Variants in TASP1 observed in about 807,000 individuals in gnomAD.
TASP1 encodes threonine aspartase 1.
TASP1 carries 16 observed loss-of-function variants against 56.6 expected under a neutral mutation model. The observed-to-expected ratio is 0.28, with a 90% CI of 0.19 to 0.43. TASP1 has a LOEUF of 0.43. Ranked by LOEUF, TASP1 falls within the 20% of genes least tolerant of loss-of-function variation. The pLI is 1.00. For synonymous variants in TASP1, 179 were observed against 184.2 expected (o/e 0.97, Z 0.23); for missense variants, 393 against 511.6 (o/e 0.77, Z 2.24).
the TASP1 span, among the ~76,000 whole-genome samples, chr20:13,256,138 G>C: frequency 6.6e-6 from 1 of 152,230 alleles, no homozygotes; most frequent in East Asian, 1.9e-4. Flanking sequence ...GCTCATGCCT[G>C]TTATCCCAGC....
the TASP1 span, among the ~76,000 whole-genome samples, chr20:13,211,886 C>T: frequency 1.3e-5 from 2 of 152,196 alleles, no homozygotes; most frequent in East Asian, 3.9e-4. Context: ...TATATAAGTA[C>T]ATAAGTAACG....
the TASP1 span, among the ~76,000 whole-genome samples, chr20:13,180,665 T>C: frequency 1.3e-5 from 2 of 152,176 alleles, no homozygotes; most frequent in Admixed American, 1.3e-4. Context: ...AACATTGGAA[T>C]ACAAAGGCAT....
chr20:13,240,079 G>T, the TASP1 span, among the ~76,000 whole-genome samples: 6 of 152,162 alleles, frequency 3.9e-5, no homozygotes, highest in Non-Finnish European at 5.9e-5. Flanking sequence ...CTGCAGTAAG[G>T]CAAATGAAAT....
the TASP1 span, chr20:13,270,611 C>G: frequency 6.2e-7 from 1 of 1,614,036 alleles, no homozygotes; most frequent in South Asian, 1.1e-5. Context: ...AACCCTTCCC[C>G]AGACCGCGAT....
chr20:13,117,455 G>T, the TASP1 span: 4 of 1,495,646 alleles, frequency 2.7e-6, 1 homozygote, highest in South Asian at 4.0e-5. Flanking sequence ...AACTGACAGA[G>T]CTTCCCAGGA....
the TASP1 span, among the ~76,000 whole-genome samples, chr20:13,130,069 A>G: frequency 0.018 from 2,778 of 152,352 alleles, 54 homozygotes; most frequent in South Asian, 0.03. Flanking sequence ...AAGAAAATTG[A>G]CAGAATTATC....
intron 13 of TASP1, chr20:13,393,495 G>T: frequency 1.3e-6 from 1 of 782,110 alleles, no homozygotes; most frequent in African/African-American, 1.7e-5. Flanking sequence ...GGGCATCCTG[G>T]ACTACACTGA....
the TASP1 span, among the ~76,000 whole-genome samples, chr20:13,125,993 A>G: frequency 6.6e-6 from 1 of 152,154 alleles, no homozygotes; most frequent in Non-Finnish European, 1.5e-5. Flanking sequence ...CCTTTGTTCA[A>G]CTTCTCTCTT....
At chr20:13,200,503 T>C in the TASP1 span, among the ~76,000 whole-genome samples, 1 of 152,132 alleles carries the variant, frequency 6.6e-6, no homozygotes. Context: ...TCTCTCTCTC[T>C]CTCTCTGAGG....
chr20:13,381,019 G>A, the TASP1 span, among the ~76,000 whole-genome samples: 1 of 152,174 alleles, frequency 6.6e-6, no homozygotes, highest in South Asian at 2.1e-4. Flanking sequence ...GGCTCCATGG[G>A]GGTGGGATCT....
chr20:13,347,472 T>C, the TASP1 span, among the ~76,000 whole-genome samples: 1 of 152,084 alleles, frequency 6.6e-6, no homozygotes, highest in African/African-American at 2.4e-5. Flanking sequence ...GGTTCTAGAG[T>C]CTCAGATTGT....
the TASP1 span, among the ~76,000 whole-genome samples, chr20:13,275,724 C>T: frequency 6.6e-6 from 1 of 152,142 alleles, no homozygotes; most frequent in South Asian, 2.1e-4. Flanking sequence ...GCACAGGGCC[C>T]AGTATAGGAT....
intron 13 of TASP1, among the ~76,000 whole-genome samples, chr20:13,393,953 G>C (rs989511655): frequency 2.0e-5 from 3 of 152,078 alleles, no homozygotes; most frequent in Non-Finnish European, 4.4e-5. Context: ...GCTGAAAAGT[G>C]AATCATACTA....
the TASP1 span, among the ~76,000 whole-genome samples, chr20:13,145,037 A>G: frequency 2.6e-5 from 4 of 152,026 alleles, no homozygotes; most frequent in African/African-American, 9.7e-5. Flanking sequence ...AGCCTCCCAA[A>G]GTGCTGGGAT....
At chr20:13,316,441 A>G in the TASP1 span, among the ~76,000 whole-genome samples, 1 of 151,972 alleles carries the variant, frequency 6.6e-6, no homozygotes, top group Non-Finnish European at 1.5e-5. Flanking sequence ...AACTCATCCT[A>G]TGAGAGCAGC....
At chr20:13,134,117 G>A in the TASP1 span, among the ~76,000 whole-genome samples, 1 of 152,164 alleles carries the variant, frequency 6.6e-6, no homozygotes, top group African/African-American at 2.4e-5. Flanking sequence ...CCATGCACAG[G>A]TGCAGCTACC....
chr20:13,404,461 A>T (rs2041845871), intron 13 of TASP1, among the ~76,000 whole-genome samples: 2 of 152,166 alleles, frequency 1.3e-5, no homozygotes, highest in South Asian at 4.1e-4. Flanking sequence ...TTTAAAAATT[A>T]GCCAGGCCTG....
chr20:13,290,827 T>G, the TASP1 span, among the ~76,000 whole-genome samples: 4 of 152,242 alleles, frequency 2.6e-5, no homozygotes, highest in African/African-American at 9.6e-5. Context: ...TAGGTATTTA[T>G]GATTGTACTC....
chr20:13,306,031 G>A, the TASP1 span, among the ~76,000 whole-genome samples: 4 of 152,102 alleles, frequency 2.6e-5, no homozygotes, highest in Admixed American at 6.5e-5. Context: ...TATCTGTTCT[G>A]GGAGTAATAA....
Sources: allele counts gnomAD v4.1 joint callset (sites outside exome capture counted in the v4.1 genomes callset), GRCh38; gene constraint gnomAD v4.1.1; transcripts MANE v1.5; gene names NCBI Gene and HGNC (gene_info 2026-07-23, HGNC 2026-07-21).